The following MAGT1 variants were observed in gnomAD, a reference collection of about 807,000 sequenced individuals.
MAGT1 encodes dolichyl-diphosphooligosaccharide--protein glycosyltransferase subunit MAGT1.
A neutral mutation model predicts 28.4 loss-of-function variants in MAGT1; 4 were observed. The ratio of observed to expected loss-of-function variants is 0.14; its 90% confidence interval spans 0.07 to 0.32. The LOEUF is 0.32. Among genes scored for constraint, MAGT1 ranks in the 10% least tolerant of loss-of-function variants. The pLI, the probability that MAGT1 is intolerant of heterozygous loss-of-function variation, is 1.00. For synonymous variants in MAGT1, 89 were observed against 89.7 expected, an observed-to-expected ratio of 0.99 and a Z score of 0.04; for missense variants, 193 against 264.5, an observed-to-expected ratio of 0.73 and a Z score of 1.88.
intron 7 of MAGT1, among the ~76,000 whole-genome samples, chrX:77,851,921 G>A (rs782575088): frequency 1.5e-3 from 160 of 105,496 alleles, no homozygotes; most frequent in African/African-American, 5.1e-3. Context: ...CCCCTGAGAT[G>A]GAGTTTTGCT....
chrX:77,834,588 C>T (rs2076911173), intron 8 of MAGT1, among the ~76,000 whole-genome samples: 1 of 110,217 alleles, frequency 9.1e-6, no homozygotes, highest in African/African-American at 3.3e-5. Context: ...CCCTTCTTGG[C>T]CTCCCAAAGC....
At chrX:77,874,528 G>A (rs782151924) in intron 2 of MAGT1, among the ~76,000 whole-genome samples, 1 of 105,413 alleles carries the variant, frequency 9.5e-6, no homozygotes, top group South Asian at 4.6e-4. Context: ...CCCAGGAGGT[G>A]GAGGCTGCAG....
intron 3 of MAGT1, among the ~76,000 whole-genome samples, chrX:77,859,261 G>A (rs1557216277): frequency 8.9e-6 from 1 of 111,762 alleles, no homozygotes; most frequent in Non-Finnish European, 1.9e-5. Flanking sequence ...CACTTCTCTT[G>A]TAAAAAATAT....
chrX:77,828,662 C>T lies in MAGT1; in HGVS notation c.*558G>A, dbSNP rs184256805. On this transcript the variant is annotated 3_prime_UTR_variant, in exon 10 of 10. Transcript: ENST00000618282. ...AACAACTGTCTTGCTGAGGGCTAGACGTGTGCTCTGAAGAATGGTGTTCCA... is the reference window on the plus strand; with the variant it reads ...AACAACTGTCTTGCTGAGGGCTAGATGTGTGCTCTGAAGAATGGTGTTCCA... The T allele has an allele frequency of 1.8e-5, 2 of 113,411 alleles. No homozygotes were observed. Among genetic ancestry groups the T allele is most frequent in the Admixed American group, 9.4e-5 (1 of 10,607 alleles). 9.3% of individuals were successfully genotyped at this position (113,411 alleles called of 1,213,427 possible).
chrX:77,882,567 T>C (rs2077055632), intron 1 of MAGT1, among the ~76,000 whole-genome samples: 1 of 111,636 alleles, frequency 9.0e-6, no homozygotes, highest in Non-Finnish European at 1.9e-5. Context: ...CATATAGATA[T>C]ATAATCATGC....
intron 3 of MAGT1, among the ~76,000 whole-genome samples, chrX:77,861,359 AAAACAAAC>A (rs781857582): frequency 2.7e-5 from 3 of 111,804 alleles, no homozygotes; most frequent in Non-Finnish European, 5.6e-5. Flanking sequence ...GCTATTATCC[AAAACAAAC>A]AAACAAACAA....
intron 3 of MAGT1, among the ~76,000 whole-genome samples, chrX:77,866,073 C>T (rs1436102110): frequency 3.1e-5 from 2 of 64,732 alleles, no homozygotes; most frequent in African/African-American, 7.1e-5. Context: ...GCACGAGAAT[C>T]GCTTGAGCAG....
At chrX:77,881,533 C>T (rs1457719588) in intron 1 of MAGT1, among the ~76,000 whole-genome samples, 4 of 107,055 alleles carry the variant, frequency 3.7e-5, no homozygotes, top group South Asian at 4.2e-4. Flanking sequence ...TTTGTCCTTG[C>T]GATAGTTTGC....
intron 1 of MAGT1, among the ~76,000 whole-genome samples, chrX:77,876,452 A>T (rs782089587): frequency 9.1e-6 from 1 of 110,437 alleles, no homozygotes; most frequent in African/African-American, 3.3e-5. Context: ...TCTTGAAAAT[A>T]AAGAGTAAAG....
rs782011693 is a variant in MAGT1, at chrX:77,876,530, C to T, written c.103-933G>A. On this transcript the variant is annotated intron_variant, in intron 1 of 9. Transcript: ENST00000618282. ...CCACAATAATTAAGACAGTGTGGTA[C>T]AGATGAAGGGATAGTATCACAGAAC... Among the ~76,000 whole-genome samples the T allele has an allele frequency of 2.4e-4, 26 of 110,420 alleles. No homozygotes were observed. In the South Asian group the frequency reaches 9.1e-3, roughly 38 times the overall value.
At position 77,838,931 on chromosome X, in the gene MAGT1, C is replaced by T. The variant is rs782642304; in HGVS notation, c.901+2315G>A. Among the ~76,000 whole-genome samples the T allele has an allele frequency of 2.7e-5, 3 of 110,308 alleles. No homozygotes were observed. In the South Asian group the frequency reaches 1.1e-3, roughly 42 times the overall value. On this transcript the variant is annotated intron_variant, in intron 8 of 9. Coordinates refer to ENST00000618282, the MANE Select transcript of MAGT1 (RefSeq NM_001367916.1). The stretch of plus-strand genomic sequence containing the variant: ...AAAATAAAAGGAGTACAAAATAATA[C>T]ATTTCCACCTTATCTGATTGGCAAA...
intron 1 of MAGT1, chrX:77,885,299 C>A (rs1557218903): frequency 9.2e-6 from 1 of 108,727 alleles, no homozygotes; most frequent in African/African-American, 3.3e-5. Context: ...CCGAGGTGGG[C>A]GGATCATGAG....
chrX:77,893,631 C>T (rs1557219661), intron 1 of MAGT1, among the ~76,000 whole-genome samples: 1 of 112,303 alleles, frequency 8.9e-6, no homozygotes, highest in Non-Finnish European at 1.9e-5. Flanking sequence ...CACAGTGGCT[C>T]ACACCTGTAA....
chrX:77,858,610 A>G (rs1439804313), intron 3 of MAGT1, among the ~76,000 whole-genome samples: 1 of 112,226 alleles, frequency 8.9e-6, no homozygotes, highest in African/African-American at 3.2e-5. Flanking sequence ...GAGAGCATGT[A>G]CTGACTGTTG....
At chrX:77,881,425 C>T (rs1356351284) in intron 1 of MAGT1, among the ~76,000 whole-genome samples, 1 of 85,117 alleles carries the variant, frequency 1.2e-5, no homozygotes, top group Non-Finnish European at 2.3e-5. Context: ...TCCCCCCACC[C>T]CACAACAGGC....
intron 7 of MAGT1, among the ~76,000 whole-genome samples, chrX:77,845,622 G>A (rs1235447716): frequency 9.0e-6 from 1 of 111,421 alleles, no homozygotes; most frequent in Admixed American, 9.6e-5. Context: ...AGCTCTTGTC[G>A]GGCAGGCCTG....
At chrX:77,867,082 T>C (rs1452006431) in intron 3 of MAGT1, among the ~76,000 whole-genome samples, 6 of 66,493 alleles carry the variant, frequency 9.0e-5, no homozygotes, top group African/African-American at 2.1e-4. Context: ...GAGACTGACT[T>C]GAGTAATAAT....
chrX:77,891,474 G>T (rs2077082458), intron 1 of MAGT1, among the ~76,000 whole-genome samples: 1 of 111,086 alleles, frequency 9.0e-6, no homozygotes, highest in Non-Finnish European at 1.9e-5. Context: ...CCAAAGTTCT[G>T]GGATTATAGG....
At chrX:77,868,949 G>C in intron 3 of MAGT1, among the ~76,000 whole-genome samples, 1 of 111,982 alleles carries the variant, frequency 8.9e-6, no homozygotes, top group East Asian at 2.8e-4. Flanking sequence ...AGAGGTAAGG[G>C]GACAAAAGAA....
Sources: gnomAD v4.1 joint callset for allele counts (sites outside exome capture counted in the v4.1 genomes callset) on GRCh38, gnomAD v4.1.1 for gene constraint, MANE v1.5 for transcripts, NCBI Gene and HGNC (gene_info 2026-07-23, HGNC 2026-07-21) for gene names.